The following PEBP4 variants were observed in gnomAD, a reference collection of about 807,000 sequenced individuals.
PEBP4 encodes phosphatidylethanolamine binding protein 4, also known as phosphatidylethanolamine-binding protein 4.
In PEBP4, 22 loss-of-function variants were observed where a neutral mutation model predicts 23.9. The observed-to-expected ratio is 0.92, with a 90% confidence interval of 0.66 to 1.31. PEBP4 has a LOEUF of 1.31. Among genes scored for constraint, PEBP4 ranks in the 40% most tolerant of loss-of-function variants. The pLI is 0.00. For synonymous variants in PEBP4, 112 were observed against 99.3 expected (o/e 1.13, Z -0.76); for missense variants, 324 against 281.7 (o/e 1.15, Z -1.07).
At chr8:22,928,222 A>G (rs1809394214), upstream of PEBP4, among the ~76,000 whole-genome samples, 1 of 152,138 alleles carries the variant, frequency 6.6e-6, no homozygotes, top group Non-Finnish European at 1.5e-5. Flanking sequence ...CCTGGCCCCC[A>G]TTCTTCCACC....
At chr8:22,817,060 G>A (rs1227012612) in intron 4 of PEBP4, among the ~76,000 whole-genome samples, 1 of 152,218 alleles carries the variant, frequency 6.6e-6, no homozygotes, top group Non-Finnish European at 1.5e-5. Context: ...CCTCCCTGAA[G>A]AGGGTGAGCC....
chr8:22,737,705 A>T (rs1409763819), intron 4 of PEBP4, among the ~76,000 whole-genome samples: 1 of 152,216 alleles, frequency 6.6e-6, no homozygotes. Context: ...CTTCAGTCCA[A>T]TGTCATTACC....
intron 4 of PEBP4, among the ~76,000 whole-genome samples, chr8:22,796,576 G>A (rs1439547695): frequency 6.6e-6 from 1 of 152,216 alleles, no homozygotes; most frequent in Non-Finnish European, 1.5e-5. Context: ...CTGCCTGCAT[G>A]CCGCCTAAGA....
At chr8:22,767,728 T>C (rs914088790) in intron 4 of PEBP4, among the ~76,000 whole-genome samples, 2 of 152,226 alleles carry the variant, frequency 1.3e-5, no homozygotes, top group Non-Finnish European at 2.9e-5. Context: ...TTAAGACCTA[T>C]GTACTTGATG....
At chr8:22,915,610 G>A (rs1417437371) in intron 3 of PEBP4, among the ~76,000 whole-genome samples, 1 of 152,240 alleles carries the variant, frequency 6.6e-6, no homozygotes, top group Admixed American at 6.5e-5. Context: ...TATTTACGAA[G>A]TGAGTCACCG....
intron 3 of PEBP4, among the ~76,000 whole-genome samples, chr8:22,915,848 C>T (rs1388201754): frequency 1.3e-5 from 2 of 152,198 alleles, no homozygotes; most frequent in African/African-American, 4.8e-5. Context: ...TATTTTTCTG[C>T]TCTGTGTATA....
chr8:22,732,583 T>C (rs1486104995), intron 4 of PEBP4, among the ~76,000 whole-genome samples: 4 of 151,636 alleles, frequency 2.6e-5, no homozygotes, highest in African/African-American at 9.7e-5. Context: ...TTTAAAGAAA[T>C]GAAAAGAAAA....
chr8:22,729,190 G>A (rs891969177), intron 4 of PEBP4, among the ~76,000 whole-genome samples: 1 of 152,212 alleles, frequency 6.6e-6, no homozygotes, highest in African/African-American at 2.4e-5. Flanking sequence ...AGGAGAGGAG[G>A]GAAGGCCTTG....
intron 3 of PEBP4, among the ~76,000 whole-genome samples, chr8:22,862,990 A>G (rs984294831): frequency 2.6e-5 from 4 of 151,838 alleles, no homozygotes; most frequent in Admixed American, 1.3e-4. Context: ...TTTAGTAGAG[A>G]TGGGTTTCAC....
intron 3 of PEBP4, among the ~76,000 whole-genome samples, chr8:22,841,271 G>C (rs67183551): frequency 6.6e-6 from 1 of 152,192 alleles, no homozygotes; most frequent in East Asian, 1.9e-4. Flanking sequence ...GCCCTTTGAG[G>C]GGGTGGAAGC....
chr8:22,794,059 C>T (rs919175190), intron 4 of PEBP4, among the ~76,000 whole-genome samples: 1 of 152,028 alleles, frequency 6.6e-6, no homozygotes, highest in Non-Finnish European at 1.5e-5. Flanking sequence ...TTTTTGTTTG[C>T]ATTTCCAACT....
At chr8:22,905,017 C>T (rs1263099996) in intron 3 of PEBP4, among the ~76,000 whole-genome samples, 1 of 152,150 alleles carries the variant, frequency 6.6e-6, no homozygotes, top group Non-Finnish European at 1.5e-5. Context: ...AAAATTACTG[C>T]TCAAACACAA....
chr8:22,864,510 C>T (rs1191261956), intron 3 of PEBP4, among the ~76,000 whole-genome samples: 1 of 152,158 alleles, frequency 6.6e-6, no homozygotes. Flanking sequence ...GGGTTCTGTC[C>T]CAGCTGGGTC....
At chr8:22,741,541 C>T (rs904737334) in intron 4 of PEBP4, among the ~76,000 whole-genome samples, 26 of 152,198 alleles carry the variant, frequency 1.7e-4, no homozygotes, top group African/African-American at 5.8e-4. Context: ...TCCCATGTCC[C>T]GGGAATGCTT....
At chr8:22,769,676 C>G (rs543084055) in intron 4 of PEBP4, among the ~76,000 whole-genome samples, 11 of 152,324 alleles carry the variant, frequency 7.2e-5, no homozygotes, top group Admixed American at 2.0e-4. Flanking sequence ...CCTTTATCAC[C>G]CTTCCCCAGT....
chr8:22,877,522 G>A (rs142018971), intron 3 of PEBP4, among the ~76,000 whole-genome samples: 13 of 152,316 alleles, frequency 8.5e-5, no homozygotes, highest in African/African-American at 2.9e-4. Context: ...GTAGCCAAAT[G>A]GCTGGGAAAC....
At chr8:22,884,032 C>T (rs1022353926) in intron 3 of PEBP4, 3 of 152,084 alleles carry the variant, frequency 2.0e-5, no homozygotes, top group African/African-American at 7.2e-5. Flanking sequence ...GAGAAGGGAA[C>T]CAGGGAAGGG....
At chr8:22,768,672 GC>G (rs1805656724) in intron 4 of PEBP4, among the ~76,000 whole-genome samples, 1 of 151,880 alleles carries the variant, frequency 6.6e-6, no homozygotes. Flanking sequence ...GTTCAGGGAG[GC>G]CAGCTGGGTG....
intron 3 of PEBP4, among the ~76,000 whole-genome samples, chr8:22,869,540 G>A (rs1388257212): frequency 5.9e-5 from 9 of 152,186 alleles, no homozygotes; most frequent in Non-Finnish European, 1.2e-4. Context: ...CCCCATAGCT[G>A]CTCTTGTTTT....
Sources: allele counts gnomAD v4.1 joint callset (sites outside exome capture counted in the v4.1 genomes callset), GRCh38; gene constraint gnomAD v4.1.1; transcripts MANE v1.5; gene names NCBI Gene and HGNC (gene_info 2026-07-23, HGNC 2026-07-21).